The following RHBDD1 variants were observed in gnomAD, a reference collection of about 807,000 sequenced individuals.
RHBDD1 encodes the protein rhomboid-related protein 4.
A neutral mutation model predicts 36.3 loss-of-function variants in RHBDD1; 38 were observed. The observed-to-expected ratio is 1.05, with a 90% confidence interval of 0.81 to 1.37. The LOEUF (loss-of-function observed/expected upper bound fraction) is 1.37. Among genes scored for constraint, RHBDD1 ranks in the 40% most tolerant of loss-of-function variants. The pLI, the probability that RHBDD1 is intolerant of heterozygous loss-of-function variation, is 0.00. For synonymous variants in RHBDD1, 151 were observed against 136.5 expected (o/e 1.11, Z -0.74); for missense variants, 393 against 377.6 (o/e 1.04, Z -0.34).
At chr2:226,835,738 T>G (rs1479808811), upstream of RHBDD1, 3 of 152,320 alleles carry the variant, frequency 2.0e-5, no homozygotes, top group African/African-American at 4.8e-5. Flanking sequence ...TTGTTTGCCT[T>G]ACGCGTAGTC....
intron 8 of RHBDD1, among the ~76,000 whole-genome samples, chr2:226,922,060 T>C (rs1413051752): frequency 6.6e-6 from 1 of 152,136 alleles, no homozygotes; most frequent in African/African-American, 2.4e-5. Flanking sequence ...ATCCTCTTAC[T>C]GAATTGACTG....
the RHBDD1 span, among the ~76,000 whole-genome samples, chr2:226,818,856 C>CAAAAACAA: frequency 6.6e-6 from 1 of 151,584 alleles, no homozygotes; most frequent in East Asian, 1.9e-4. Context: ...AAAACAAAAA[C>CAAAAACAA]AAAAACAAAA....
At chr2:226,989,436 G>A (rs992361664) in intron 8 of RHBDD1, among the ~76,000 whole-genome samples, 3 of 152,176 alleles carry the variant, frequency 2.0e-5, no homozygotes, top group Non-Finnish European at 4.4e-5. Flanking sequence ...AGGAAATATT[G>A]TGGTATTTTC....
chr2:226,996,455 C>T lies in RHBDD1; in HGVS notation c.*933C>T, dbSNP rs1959310322. 6.6e-6 allele frequency: 1 copy of T among 152,234 alleles called. No individual in the cohort carries two copies. Among genetic ancestry groups the T allele is most frequent in the Non-Finnish European group, 1.5e-5 (1 of 68,042 alleles). 9.4% of individuals were successfully genotyped at this position (152,234 alleles called of 1,614,324 possible). On this transcript the variant is annotated 3_prime_UTR_variant, in exon 9 of 9. Coordinates refer to ENST00000392062, the MANE Select transcript of RHBDD1 (RefSeq NM_001167608.3). The stretch of plus-strand genomic sequence containing the variant: ...CCCTTGGGCCCCGCCACGTTACAAT[C>T]CACAGATTGTCTGTCTGAGTCGTTT...
chr2:226,912,955 C>T (rs148598598), intron 7 of RHBDD1, among the ~76,000 whole-genome samples: 32 of 152,208 alleles, frequency 2.1e-4, no homozygotes, highest in African/African-American at 7.5e-4. Context: ...TTTTGTCATT[C>T]GTTGTTTATA....
At chr2:226,970,530 AG>A (rs1248885319) in intron 8 of RHBDD1, among the ~76,000 whole-genome samples, 1 of 152,200 alleles carries the variant, frequency 6.6e-6, no homozygotes, top group Admixed American at 6.5e-5. Context: ...AGGGCACGGA[AG>A]CAGCCTTATT....
chr2:226,874,433 T>G (rs982760272), intron 5 of RHBDD1, among the ~76,000 whole-genome samples: 2 of 152,160 alleles, frequency 1.3e-5, no homozygotes, highest in African/African-American at 4.8e-5. Context: ...CACAAATTCC[T>G]TCTACAGTTG....
chr2:226,877,931 T>G (rs1282293372), intron 5 of RHBDD1, among the ~76,000 whole-genome samples: 1 of 152,318 alleles, frequency 6.6e-6, no homozygotes, highest in South Asian at 2.1e-4. Context: ...AGCAGTTGTC[T>G]TCTTGCTTTT....
At chr2:226,957,665 A>G (rs1411541019) in intron 8 of RHBDD1, among the ~76,000 whole-genome samples, 1 of 152,220 alleles carries the variant, frequency 6.6e-6, no homozygotes, top group Non-Finnish European at 1.5e-5. Context: ...AGGGACTTCT[A>G]TCAAGTCTAT....
intron 5 of RHBDD1, among the ~76,000 whole-genome samples, chr2:226,880,896 G>A (rs1030123273): frequency 2.0e-5 from 3 of 152,168 alleles, no homozygotes; most frequent in African/African-American, 7.2e-5. Context: ...ACTCCGTGTA[G>A]AAAAGTTGCA....
chr2:226,939,737 A>C (rs1441606851), intron 8 of RHBDD1, among the ~76,000 whole-genome samples: 1 of 152,234 alleles, frequency 6.6e-6, no homozygotes, highest in East Asian at 1.9e-4. Context: ...ACTACCATTG[A>C]CATTTCTCAC....
At chr2:226,953,985 A>G (rs181128036) in intron 8 of RHBDD1, among the ~76,000 whole-genome samples, 2 of 152,272 alleles carry the variant, frequency 1.3e-5, no homozygotes, top group African/African-American at 2.4e-5. Context: ...TCCTCCTGCC[A>G]TGGCTTCTGA....
intron 8 of RHBDD1, among the ~76,000 whole-genome samples, chr2:226,962,047 A>G (rs997661790): frequency 1.3e-5 from 2 of 152,126 alleles, no homozygotes; most frequent in African/African-American, 2.4e-5. Flanking sequence ...TTTCAGACCA[A>G]TCAGAGAAGA....
intron 8 of RHBDD1, among the ~76,000 whole-genome samples, chr2:226,939,531 A>G (rs1166139278): frequency 6.6e-6 from 1 of 151,880 alleles, no homozygotes; most frequent in African/African-American, 2.4e-5. Context: ...CACAGTTGCT[A>G]CAGATGCCGA....
intron 8 of RHBDD1, among the ~76,000 whole-genome samples, chr2:226,953,401 C>T (rs754731185): frequency 1.3e-5 from 2 of 152,284 alleles, no homozygotes; most frequent in South Asian, 4.1e-4. Context: ...AGAAGAATTA[C>T]ACAGAGTTCT....
At chr2:226,986,128 G>A (rs1318270513) in intron 8 of RHBDD1, among the ~76,000 whole-genome samples, 3 of 152,264 alleles carry the variant, frequency 2.0e-5, no homozygotes, top group South Asian at 4.1e-4. Context: ...AAACCAGACC[G>A]AATGAAATTC....
At chr2:226,854,795 A>G (rs1205557192) in intron 3 of RHBDD1, among the ~76,000 whole-genome samples, 1 of 152,126 alleles carries the variant, frequency 6.6e-6, no homozygotes, top group Non-Finnish European at 1.5e-5. Context: ...CAGTGTTTTA[A>G]CCATGAATAT....
intron 3 of RHBDD1, among the ~76,000 whole-genome samples, chr2:226,859,151 A>G (rs368947123): frequency 1.3e-5 from 2 of 152,352 alleles, no homozygotes; most frequent in East Asian, 1.9e-4. Context: ...ATTTAAAAAT[A>G]CACTAATCTT....
At chr2:226,939,321 G>A (rs1415549049) in intron 8 of RHBDD1, among the ~76,000 whole-genome samples, 2 of 152,200 alleles carry the variant, frequency 1.3e-5, no homozygotes, top group Non-Finnish European at 2.9e-5. Context: ...TTTAGGAAGA[G>A]AGGAAGTCAA....
Sources: allele counts gnomAD v4.1 joint callset (sites outside exome capture counted in the v4.1 genomes callset), GRCh38; gene constraint gnomAD v4.1.1; transcripts MANE v1.5; gene names NCBI Gene and HGNC (gene_info 2026-07-23, HGNC 2026-07-21).